The following ZCCHC7 variants were observed in gnomAD, a reference collection of about 807,000 sequenced individuals.
ZCCHC7 encodes zinc finger CCHC-type containing 7, also known as zinc finger CCHC domain-containing protein 7.
In ZCCHC7, 35 loss-of-function variants were observed where a neutral mutation model predicts 52.0. That is an observed-to-expected ratio of 0.67 (90% CI 0.51 to 0.89). ZCCHC7 has a LOEUF of 0.89. Ranked by LOEUF, ZCCHC7 falls within the 40% of genes least tolerant of loss-of-function variation. The pLI is 0.00. For missense variants in ZCCHC7, 574 were observed against 649.1 expected (o/e 0.88, Z 1.26); for synonymous variants, 217 against 221.5 (o/e 0.98, Z 0.18).
At chr9:37,314,767 A>G (rs1829740168) in intron 5 of ZCCHC7, among the ~76,000 whole-genome samples, 1 of 151,790 alleles carries the variant, frequency 6.6e-6, no homozygotes, top group Admixed American at 6.6e-5. Flanking sequence ...AAAAAAAAAA[A>G]AAGTATACAT....
intron 2 of ZCCHC7, among the ~76,000 whole-genome samples, chr9:37,299,009 C>T (rs185943118): frequency 1.3e-5 from 2 of 152,278 alleles, no homozygotes; most frequent in African/African-American, 2.4e-5. Flanking sequence ...GTTTGTTAAA[C>T]GGAGTTGATT....
intron 2 of ZCCHC7, among the ~76,000 whole-genome samples, chr9:37,263,742 T>C (rs150520019): frequency 0.026 from 3,923 of 152,318 alleles, 75 homozygotes; most frequent in Middle Eastern, 0.048. Context: ...AAATTTCTTC[T>C]TGAGTTAGCT....
chr9:37,344,015 T>TA (rs1820800258), intron 6 of ZCCHC7, among the ~76,000 whole-genome samples: 1 of 152,134 alleles, frequency 6.6e-6, no homozygotes, highest in Non-Finnish European at 1.5e-5. Context: ...TTTTAGCCAT[T>TA]AAAAAATGTA....
rs576808374 is a variant in ZCCHC7, at chr9:37,327,920, A to G, written c.987+86A>G. The G allele has an allele frequency of 5.8e-6, 8 of 1,385,084 alleles. No individual in the cohort carries two copies. In the African/African-American group the frequency reaches 8.6e-5, roughly 15 times the overall value. The allele number at this position is 1,385,084 out of a possible 1,614,324, so 85.8% of individuals were successfully genotyped here. A position where few individuals can be genotyped will look rare whatever the true frequency, so the allele number is the denominator to read the frequency against. ...TGCTGACCATAAAATATAGACAAGC[A>G]TCTTCTGCTGGAAGATAATAAACAT... On this transcript the variant is annotated intron_variant, in intron 6 of 8. Transcript: ENST00000336755.
At chr9:37,325,552 G>A (rs17410045) in intron 5 of ZCCHC7, among the ~76,000 whole-genome samples, 12,916 of 152,072 alleles carry the variant, frequency 0.085, 750 homozygotes, top group Middle Eastern at 0.16. Context: ...AGAAAAATAC[G>A]TGCAACGACT....
intron 2 of ZCCHC7, among the ~76,000 whole-genome samples, chr9:37,212,305 A>G (rs910309953): frequency 2.0e-5 from 3 of 151,968 alleles, no homozygotes; most frequent in African/African-American, 7.2e-5. Flanking sequence ...ATCTTCTACC[A>G]TACCTAAAAA....
chr9:37,244,525 G>C (rs185929789), intron 2 of ZCCHC7, among the ~76,000 whole-genome samples: 85 of 151,914 alleles, frequency 5.6e-4, no homozygotes, highest in African/African-American at 2.0e-3. Context: ...AATATGATTT[G>C]ATTTATAATA....
intron 2 of ZCCHC7, among the ~76,000 whole-genome samples, chr9:37,197,850 G>C (rs986606206): frequency 6.6e-6 from 1 of 152,174 alleles, no homozygotes; most frequent in Non-Finnish European, 1.5e-5. Flanking sequence ...ATATTCTGAA[G>C]TGAAATTGTG....
intron 5 of ZCCHC7, chr9:37,327,458 A>T (rs1830293099): frequency 4.4e-6 from 1 of 228,210 alleles, no homozygotes; most frequent in Admixed American, 5.5e-5. Flanking sequence ...TAAAAGGTGT[A>T]CTTGGTGAGT....
intron 2 of ZCCHC7, among the ~76,000 whole-genome samples, chr9:37,265,922 T>G (rs1827084239): frequency 6.6e-6 from 1 of 152,190 alleles, no homozygotes; most frequent in African/African-American, 2.4e-5. Context: ...ACCTCTTTTC[T>G]CATCCTCAAA....
At chr9:37,199,540 C>A (rs1379746428) in intron 2 of ZCCHC7, among the ~76,000 whole-genome samples, 1 of 151,884 alleles carries the variant, frequency 6.6e-6, no homozygotes, top group African/African-American at 2.4e-5. Context: ...ACTATGTTGG[C>A]CAGGCTGGTC....
At chr9:37,278,623 A>T (rs1182690085) in intron 2 of ZCCHC7, among the ~76,000 whole-genome samples, 7 of 152,348 alleles carry the variant, frequency 4.6e-5, no homozygotes, top group Middle Eastern at 3.4e-3. Flanking sequence ...TTAGTGAAAG[A>T]TGTAATTGTA....
intron 5 of ZCCHC7, chr9:37,322,284 C>T (rs1830083888): frequency 6.6e-6 from 1 of 152,114 alleles, no homozygotes; most frequent in Non-Finnish European, 1.5e-5. Flanking sequence ...AATGAATTAT[C>T]TCACTTGGTT....
intron 4 of ZCCHC7, among the ~76,000 whole-genome samples, chr9:37,304,883 A>G (rs1478933632): frequency 6.6e-6 from 1 of 152,214 alleles, no homozygotes; most frequent in East Asian, 1.9e-4. Context: ...AAATGAAAAG[A>G]TTGAATCAGA....
At chr9:37,241,102 A>G (rs907980208) in intron 2 of ZCCHC7, among the ~76,000 whole-genome samples, 1 of 151,806 alleles carries the variant, frequency 6.6e-6, no homozygotes, top group Non-Finnish European at 1.5e-5. Flanking sequence ...TGTGCACATT[A>G]CAATAAGGTA....
chr9:37,354,705 T>C lies in ZCCHC7; in HGVS notation c.1084-5T>C. The C allele has an allele frequency of 6.3e-7, 1 of 1,593,586 alleles. No individual in the cohort carries two copies. Among genetic ancestry groups the C allele is most frequent in the East Asian group, 2.2e-5 (1 of 44,768 alleles). The stretch of plus-strand genomic sequence containing the variant: ...TGACATCATAATTTTACATACAATT[T>C]ATAGGAATGTCCAGAAAGAGAAGTG... On this transcript the variant is annotated splice_region_variant and splice_polypyrimidine_tract_variant and intron_variant, in intron 7 of 8. Transcript: ENST00000336755. This position sits in a 1 kb window ranked among gnomAD's most constrained non-coding sequence, Gnocchi z 4.0.
At chr9:37,168,485 A>G (rs550627647) in intron 2 of ZCCHC7, among the ~76,000 whole-genome samples, 2 of 152,364 alleles carry the variant, frequency 1.3e-5, no homozygotes, top group East Asian at 1.9e-4. Flanking sequence ...ACAAAACAAA[A>G]AAAGCATAGT....
chr9:37,350,047 C>G (rs1821271429), intron 7 of ZCCHC7, among the ~76,000 whole-genome samples: 1 of 151,606 alleles, frequency 6.6e-6, no homozygotes, highest in Non-Finnish European at 1.5e-5. Context: ...CTTGGCCTCC[C>G]AAAGTTCTGG....
intron 2 of ZCCHC7, among the ~76,000 whole-genome samples, chr9:37,231,613 A>T (rs1186382805): frequency 6.6e-6 from 1 of 152,222 alleles, no homozygotes; most frequent in South Asian, 2.1e-4. Flanking sequence ...TTTATACCTT[A>T]AACGATACAT....
Sources: gnomAD v4.1 joint callset for allele counts (sites outside exome capture counted in the v4.1 genomes callset) on GRCh38, gnomAD v4.1.1 for gene constraint, Gnocchi (gnomAD v3.1) non-coding constraint, MANE v1.5 for transcripts, NCBI Gene and HGNC (gene_info 2026-07-23, HGNC 2026-07-21) for gene names.